The following TBCEL variants were observed in gnomAD, a reference collection of about 807,000 sequenced individuals.
TBCEL encodes the protein tubulin folding cofactor E like.
Under a neutral mutation model 44.2 loss-of-function variants are expected in TBCEL, and 15 were observed. The ratio of observed to expected loss-of-function variants is 0.34; its 90% CI spans 0.23 to 0.52. The LOEUF is 0.52. TBCEL is among the 20% of genes least tolerant of loss of function. The pLI is 0.95. For synonymous variants in TBCEL, 171 were observed against 185.4 expected (o/e 0.92, Z 0.63); for missense variants, 319 against 506.3 (o/e 0.63, Z 3.55).
chr11:121,055,609 T>C (rs959897148), intron 6 of TBCEL, among the ~76,000 whole-genome samples: 2 of 151,858 alleles, frequency 1.3e-5, no homozygotes, highest in Non-Finnish European at 2.9e-5. Flanking sequence ...GTAAAAATAG[T>C]ACAAAGAATT....
intron 1 of TBCEL, among the ~76,000 whole-genome samples, chr11:121,031,661 T>TC (rs1199183451): frequency 2.3e-4 from 34 of 146,336 alleles, no homozygotes; most frequent in African/African-American, 1.0e-4. Context: ...CTTTTTTCTT[T>TC]CTTTTTTTTT....
chr11:121,038,343 C>T (rs1004760192), intron 2 of TBCEL, among the ~76,000 whole-genome samples: 28 of 152,100 alleles, frequency 1.8e-4, no homozygotes, highest in African/African-American at 6.7e-4. Flanking sequence ...TTTCATCTTT[C>T]CTGGAGGGAA....
chr11:121,071,080 C>A, intron 8 of TBCEL, among the ~76,000 whole-genome samples: 1 of 152,100 alleles, frequency 6.6e-6, no homozygotes, highest in Non-Finnish European at 1.5e-5. Context: ...GAGAAAGAAA[C>A]CTCCATGTTT....
chr11:121,060,113 T>C, intron 8 of TBCEL, 28 bp downstream of exon 8: 1 of 1,528,112 alleles, frequency 6.5e-7, no homozygotes, highest in Non-Finnish European at 9.1e-7. Flanking sequence ...GGCCAAACAC[T>C]TTAGAGGGTG....
At position 121,083,736 on chromosome 11, in the gene TBCEL, A is replaced by G. The variant is rs550887349; in HGVS notation, c.957-3042A>G. Among the ~76,000 whole-genome samples the G allele has an allele frequency of 9.2e-5, 14 of 152,126 alleles. No individual in the cohort carries two copies. The East Asian group carries it at 2.7e-3, about 29-fold the overall frequency. ...TAGTTCTTTAATCTCATTGTTGAGT[A>G]TTGGGGTTTTGTTTTTGTTTTTGTT... On this transcript the variant is annotated intron_variant, in intron 8 of 8. Transcript: ENST00000683345.
At chr11:121,064,830 A>AT (rs931990555) in intron 8 of TBCEL, among the ~76,000 whole-genome samples, 7 of 151,226 alleles carry the variant, frequency 4.6e-5, no homozygotes, top group South Asian at 2.1e-4. Context: ...TTTCTTTTTA[A>AT]TTTTTTTTTC....
chr11:121,027,110 GT>G (rs1945060395), intron 1 of TBCEL, among the ~76,000 whole-genome samples: 1 of 152,104 alleles, frequency 6.6e-6, no homozygotes, highest in Non-Finnish European at 1.5e-5. Flanking sequence ...TTAGAGACCA[GT>G]TTACTTAGTC....
intron 1 of TBCEL, among the ~76,000 whole-genome samples, chr11:121,033,545 A>G (rs747072816): frequency 2.0e-5 from 3 of 152,196 alleles, no homozygotes; most frequent in Admixed American, 1.3e-4. Context: ...CATTAATTTG[A>G]TAAGTGCTGA....
rs576244296 is a variant in TBCEL, at chr11:121,089,177, C to T, written c.*2081C>T. 3 of 152,258 alleles carry T rather than the reference C, an allele frequency of 2.0e-5. No homozygotes were observed. The highest frequency in any genetic ancestry group is 7.2e-5 in the African/African-American group (3 of 41,556). 9.4% of individuals were successfully genotyped at this position (152,258 alleles called of 1,614,324 possible). ...TTTTTTGAAGTTGTGTGACCCTGGA[C>T]TGTCCCACAGCAGAAGGCAGAACAA... On this transcript the variant is annotated 3_prime_UTR_variant, in exon 9 of 9. Coordinates refer to ENST00000683345, the MANE Select transcript of TBCEL (RefSeq NM_001363644.2).
intron 1 of TBCEL, among the ~76,000 whole-genome samples, chr11:121,029,781 C>T (rs1391159851): frequency 1.4e-5 from 2 of 146,502 alleles, no homozygotes; most frequent in Non-Finnish European, 3.0e-5. Flanking sequence ...TTTTTCTTCT[C>T]ATTCTGCCAT....
intron 8 of TBCEL, among the ~76,000 whole-genome samples, chr11:121,067,005 T>C (rs904530243): frequency 9.2e-5 from 14 of 152,246 alleles, no homozygotes; most frequent in African/African-American, 3.4e-4. Flanking sequence ...CACTACAGCC[T>C]TCCTAGCTCG....
intron 8 of TBCEL, among the ~76,000 whole-genome samples, chr11:121,080,636 AC>A (rs755211672): frequency 3.9e-5 from 6 of 152,210 alleles, no homozygotes; most frequent in African/African-American, 7.2e-5. Flanking sequence ...GGCTAATCAA[AC>A]CTGAGAAAAA....
intron 8 of TBCEL, among the ~76,000 whole-genome samples, chr11:121,065,281 C>T (rs1409823879): frequency 2.6e-5 from 4 of 152,120 alleles, no homozygotes; most frequent in African/African-American, 9.7e-5. Flanking sequence ...TTCTCTCAGG[C>T]AGGGGGATTT....
Position 121,086,875 on chromosome 11 carries a change from G to T in TBCEL, c.1054G>T (p.Asp352Tyr). The change falls in exon 9 of 9, where the codon GAT becomes TAT. Residue 352 changes from aspartate to tyrosine, a missense_variant. Asp to Tyr is a radical substitution (Grantham distance 160, BLOSUM62 -3). Coordinates refer to ENST00000683345, the MANE Select transcript of TBCEL (RefSeq NM_001363644.2). Reference sequence around the variant, plus strand: ...TGCAAAAGTAGAAGTCCACTTTAACGATCAGGTGGAAGAAATGAGCATTCG... The same window carrying T: ...TGCAAAAGTAGAAGTCCACTTTAACTATCAGGTGGAAGAAATGAGCATTCG... ...SSAKVEVHFN[D>Y]QVEEMSIRLD... 6.2e-7 allele frequency: 1 copy of T among 1,614,024 alleles called. No homozygotes were observed. Among genetic ancestry groups the T allele is most frequent in the East Asian group, 2.2e-5 (1 of 44,820 alleles).
intron 8 of TBCEL, among the ~76,000 whole-genome samples, chr11:121,063,608 T>G (rs1201384967): frequency 1.3e-5 from 2 of 152,184 alleles, no homozygotes; most frequent in Admixed American, 1.3e-4. Flanking sequence ...AAAGTTAAAG[T>G]TCACAAGCAA....
chr11:121,072,810 C>T (rs1003292288), intron 8 of TBCEL, among the ~76,000 whole-genome samples: 2 of 152,026 alleles, frequency 1.3e-5, no homozygotes, highest in African/African-American at 4.8e-5. Context: ...ACGTAAGTTC[C>T]TAATTTTTTT....
chr11:121,028,052 A>G (rs11218120), intron 1 of TBCEL, among the ~76,000 whole-genome samples: 28,556 of 151,886 alleles, frequency 0.19, 2,777 homozygotes, highest in East Asian at 0.32. Flanking sequence ...GAAAAATTAA[A>G]AAATTAGCCA....
chr11:121,084,529 A>G lies in TBCEL; in HGVS notation c.957-2249A>G, dbSNP rs1231446742. Among the ~76,000 whole-genome samples, 9 of 151,718 alleles carry G rather than the reference A, an allele frequency of 5.9e-5. No homozygotes were observed. In the South Asian group the frequency reaches 8.3e-4, roughly 14 times the overall value. ...TTGCTGTGATATGCGCTCAGTTGCC[A>G]TTTTGTGTCTCATTATCTTGCTTGT... On this transcript the variant is annotated intron_variant, in intron 8 of 8. Coordinates refer to ENST00000683345, the MANE Select transcript of TBCEL (RefSeq NM_001363644.2).
chr11:121,047,878 T>C (rs1945457686), intron 4 of TBCEL: 1 of 453,612 alleles, frequency 2.2e-6, no homozygotes, highest in Admixed American at 3.8e-5. Flanking sequence ...GGAGGATCAC[T>C]TGAGCCCAGG....
Sources: gnomAD v4.1 joint callset for allele counts (sites outside exome capture counted in the v4.1 genomes callset) on GRCh38, gnomAD v4.1.1 for gene constraint, MANE v1.5 for transcripts, NCBI Gene and HGNC (gene_info 2026-07-23, HGNC 2026-07-21) for gene names.